NDUFS8: variants seen among roughly 807,000 people sequenced by gnomAD.
The protein encoded by NDUFS8 is NADH dehydrogenase [ubiquinone] iron-sulfur protein 8, mitochondrial.
In NDUFS8, 13 loss-of-function variants were observed where a neutral mutation model predicts 25.6. The ratio of observed to expected loss-of-function variants is 0.51; its 90% CI spans 0.33 to 0.81. The LOEUF is 0.81. NDUFS8 is among the 30% of genes least tolerant of loss of function. The pLI, the probability that NDUFS8 is intolerant of heterozygous loss-of-function variation, is 0.02. For missense variants in NDUFS8, 257 were observed against 300.9 expected, an observed-to-expected ratio of 0.85 and a Z score of 1.08; for synonymous variants, 119 against 119.4, an observed-to-expected ratio of 1.00 and a Z score of 0.02.
At chr11:68,035,789 G>A (rs1203239593) in intron 5 of NDUFS8, 1 of 446,688 alleles carries the variant, frequency 2.2e-6, no homozygotes, top group South Asian at 1.6e-5. Flanking sequence ...GGAGTCCAAG[G>A]TAAGCGGATC....
At chr11:68,032,482 G>A (rs777910193) in intron 3 of NDUFS8, 146 bp downstream of exon 3, 11 of 1,532,814 alleles carry the variant, frequency 7.2e-6, no homozygotes, top group Non-Finnish European at 9.6e-6. Flanking sequence ...TGGTGATGGA[G>A]ACTGACTCTG....
chr11:68,036,128 C>T, intron 5 of NDUFS8, 125 bp from the exon 6 acceptor site: 1 of 1,520,124 alleles, frequency 6.6e-7, no homozygotes, highest in Non-Finnish European at 8.9e-7. Context: ...TAGCCGGAGT[C>T]CAGGAGGCCT....
Position 68,036,291 on chromosome 11 carries a change from C to T in NDUFS8, c.411C>T (p.Ser137=). The change falls in exon 6 of 7, where the codon AGC becomes AGT. Residue 137 remains serine (S), a synonymous_variant. Coordinates refer to ENST00000313468, the MANE Select transcript of NDUFS8 (RefSeq NM_002496.4). ...AGGCTGAGCCAAGAGCTGATGGCAGCCGCCGGACCACCCGCTATGACATCG... is the reference window on the plus strand; with the variant it reads ...AGGCTGAGCCAAGAGCTGATGGCAGTCGCCGGACCACCCGCTATGACATCG... ...TIEAEPRADG[S]RRTTRYDIDM... is the part of the protein sequence containing the mutation. 1 of 1,612,946 alleles carries T rather than the reference C, an allele frequency of 6.2e-7. No homozygotes were observed. The highest frequency in any genetic ancestry group is 8.5e-7 in the Non-Finnish European group (1 of 1,179,850).
At chr11:68,031,799 G>A (rs999571) in intron 1 of NDUFS8, 45,521 of 402,598 alleles carry the variant, frequency 0.11, 2,835 homozygotes, top group East Asian at 0.17. Flanking sequence ...GCATGCTGGC[G>A]GGGGCTGGTA....
intron 1 of NDUFS8, 33 bp downstream of exon 1, chr11:68,030,766 G>T (rs938999259): frequency 3.7e-5 from 13 of 347,548 alleles, no homozygotes; most frequent in Non-Finnish European, 6.4e-5. Context: ...TGAAAGTCGG[G>T]CTTGGGCAGC....
At chr11:68,034,150 G>A (rs1049816727) in intron 5 of NDUFS8, 3 of 153,952 alleles carry the variant, frequency 1.9e-5, no homozygotes, top group African/African-American at 7.2e-5. Context: ...ACTAAAGGAT[G>A]AGCCTGCCAG....
rs1854808607 is a variant in NDUFS8 at position 68,033,252 on chromosome 11, G to C, written c.341G>C (p.Cys114Ser). ...YPSGEERCIA[C>S]KLCEAICPAQ... ...TCCGGGGAGGAGCGTTGCATTGCCT[G>C]CAAGCTCTGCGAGGCCATCTGCCCC... Residue 114 changes from cysteine to serine, a missense_variant, in exon 5 of 7, where the codon TGC becomes TCC. Transcript: ENST00000313468. 1 of 1,609,382 alleles carries C rather than the reference G, an allele frequency of 6.2e-7. No individual in the cohort carries two copies. Among genetic ancestry groups the C allele is most frequent in the East Asian group, 2.2e-5 (1 of 44,806 alleles).
At chr11:68,030,848 C>T (rs1854747141) in intron 1 of NDUFS8, 115 bp downstream of exon 1, 1 of 437,784 alleles carries the variant, frequency 2.3e-6, no homozygotes, top group Non-Finnish European at 4.6e-6. Context: ...CCTCGGCTCA[C>T]TCAGGATCCG....
At chr11:68,035,892 A>G (rs1854876919) in intron 5 of NDUFS8, 1 of 368,914 alleles carries the variant, frequency 2.7e-6, no homozygotes, top group African/African-American at 2.1e-5. Flanking sequence ...GGTGATGCAC[A>G]CTTGTAGTCC....
intron 3 of NDUFS8, chr11:68,032,680 C>T (rs1854794633): frequency 2.4e-6 from 2 of 847,448 alleles, no homozygotes; most frequent in Non-Finnish European, 3.6e-6. Flanking sequence ...CCCTGTTGGG[C>T]AGGGAAGTGC....
At chr11:68,035,952 G>A (rs1285500697) in intron 5 of NDUFS8, 9 of 393,926 alleles carry the variant, frequency 2.3e-5, no homozygotes, top group East Asian at 1.2e-4. Flanking sequence ...CGGGAAGGCC[G>A]AGGTTGCAGT....
chr11:68,036,005 G>A (rs1328421954), intron 5 of NDUFS8: 12 of 461,532 alleles, frequency 2.6e-5, no homozygotes, highest in South Asian at 1.0e-4. Context: ...GCGACAGAGC[G>A]AGACTCTATC....
In NDUFS8 at chr11:68,033,192, G is replaced by A. The variant is rs998549961; in HGVS notation, c.281G>A (p.Arg94His). 3 of 1,612,206 alleles carry A rather than the reference G, an allele frequency of 1.9e-6. No homozygotes were observed. The highest frequency in any genetic ancestry group is 1.7e-6 in the Non-Finnish European group (2 of 1,179,658). ...YPFEKGPLSP[R>H]FRGEHALRRY... ...TTCGAGAAGGGCCCGCTGAGCCCTC[G>A]CTTCCGTGGGGAGCATGCGCTGCGC... Residue 94 changes from arginine (R) to histidine (H), a missense_variant, in exon 5 of 7, where the codon CGC becomes CAC. Arg to His is a conservative substitution (Grantham distance 29, BLOSUM62 0). Coordinates refer to ENST00000313468, the MANE Select transcript of NDUFS8 (RefSeq NM_002496.4).
intron 5 of NDUFS8, chr11:68,035,648 G>C: frequency 2.2e-6 from 1 of 448,724 alleles, no homozygotes; most frequent in South Asian, 1.6e-5. Context: ...TTAGGGCAGC[G>C]GGTGCTACAC....
intron 5 of NDUFS8, chr11:68,034,797 G>GCA (rs1854849849): frequency 6.7e-6 from 1 of 149,272 alleles, no homozygotes; most frequent in Non-Finnish European, 1.5e-5. Context: ...AGGGCCGGTT[G>GCA]CGGTGGCTCA....
chr11:68,032,139 T>A lies in NDUFS8; in HGVS notation c.1-13T>A. On this transcript the variant is annotated splice_polypyrimidine_tract_variant and intron_variant, in intron 1 of 6. Transcript: ENST00000313468. The stretch of plus-strand genomic sequence containing the variant: ...GGGCACACCCCACCCTCCATCCCTT[T>A]TTATGCCACCAGATGCGCTGCCTGA... 6.2e-7 allele frequency: 1 copy of A among 1,612,022 alleles called. No individual in the cohort carries two copies. The highest frequency in any genetic ancestry group is 8.5e-7 in the Non-Finnish European group (1 of 1,179,876).
intron 5 of NDUFS8, chr11:68,035,854 C>T (rs1281013566): frequency 2.7e-6 from 1 of 371,212 alleles, no homozygotes; most frequent in Non-Finnish European, 5.3e-6. Context: ...CCCATCTCTA[C>T]TAAAAAATAC....
intron 5 of NDUFS8, chr11:68,033,676 G>A (rs1854819335): frequency 3.1e-6 from 1 of 321,146 alleles, no homozygotes; most frequent in Non-Finnish European, 6.0e-6. Flanking sequence ...CTGCTCCCCT[G>A]AGGCCCGGCT....
Position 68,032,947 on chromosome 11 carries a change from A to G in NDUFS8, c.134A>G (p.Glu45Gly), listed in dbSNP as rs752421550. The G allele has an allele frequency of 6.2e-6, 10 of 1,613,846 alleles. No homozygotes were observed. In the South Asian group the frequency reaches 9.9e-5, roughly 16 times the overall value. ...GAGTATGTGAACATGCAGGATCCCG[A>G]GATGGACATGAAGTCAGTGACTGAC... ...TYKYVNMQDPEMDMKSVTDRA... is the reference protein window; with the variant it reads ...TYKYVNMQDPGMDMKSVTDRA... The change falls in exon 4 of 7, where the codon GAG (glutamate) becomes GGG (glycine). Residue 45 changes from glutamate (E) to glycine (G), a missense_variant. Physicochemically the swap from Glu to Gly is moderately conservative, Grantham distance 98. Transcript: ENST00000313468.
Sources: gnomAD v4.1 joint callset for allele counts on GRCh38, gnomAD v4.1.1 for gene constraint, MANE v1.5 for transcripts, NCBI Gene and HGNC (gene_info 2026-07-23, HGNC 2026-07-21) for gene names.